Variants in LINGO2 observed in about 807,000 individuals in gnomAD.
LINGO2 encodes the protein leucine-rich repeat and immunoglobulin-like domain-containing nogo receptor-interacting protein 2.
LINGO2 carries 14 observed loss-of-function variants against 30.6 expected under a neutral mutation model. The ratio of observed to expected loss-of-function variants is 0.46; its 90% CI spans 0.30 to 0.72. LINGO2 has a LOEUF of 0.72. Among genes scored for constraint, LINGO2 ranks in the 30% least tolerant of loss-of-function variants. The pLI, the probability that LINGO2 is intolerant of heterozygous loss-of-function variation, is 0.07. For synonymous variants in LINGO2, 317 were observed against 288.5 expected, an observed-to-expected ratio of 1.10 and a Z score of -1.00; for missense variants, 729 against 751.7, an observed-to-expected ratio of 0.97 and a Z score of 0.35.
At chr9:29,063,914 T>G in the LINGO2 span, among the ~76,000 whole-genome samples, 1 of 152,158 alleles carries the variant, frequency 6.6e-6, no homozygotes, top group Admixed American at 6.6e-5. Flanking sequence ...CTAGGAAGAT[T>G]GGTGATAAGT....
At chr9:28,747,869 T>C in the LINGO2 span, among the ~76,000 whole-genome samples, 3 of 152,106 alleles carry the variant, frequency 2.0e-5, no homozygotes, top group East Asian at 5.8e-4. Context: ...AGCAATCTGA[T>C]GTGGGGCTTA....
intron 5 of LINGO2, among the ~76,000 whole-genome samples, chr9:27,963,599 G>A (rs1819950768): frequency 6.6e-6 from 1 of 151,926 alleles, no homozygotes; most frequent in Non-Finnish European, 1.5e-5. Flanking sequence ...AAATGAACAA[G>A]GGCACAAAAC....
At chr9:28,578,183 C>A (rs2135634128) in intron 1 of LINGO2, among the ~76,000 whole-genome samples, 1 of 152,202 alleles carries the variant, frequency 6.6e-6, no homozygotes, top group Non-Finnish European at 1.5e-5. Context: ...GTCTTGCTGC[C>A]AGGCTAAGGG....
chr9:28,414,011 CCT>C (rs1822874187), intron 2 of LINGO2, among the ~76,000 whole-genome samples: 1 of 135,888 alleles, frequency 7.4e-6, no homozygotes. Context: ...AATTGCCTCC[CCT>C]ATGACATATA....
At chr9:28,082,482 C>T (rs1221328540) in intron 4 of LINGO2, among the ~76,000 whole-genome samples, 2 of 151,770 alleles carry the variant, frequency 1.3e-5, no homozygotes, top group African/African-American at 4.8e-5. Context: ...TTCATTTTTA[C>T]AAAGCTGTGA....
chr9:28,152,131 T>C (rs1009769469), intron 4 of LINGO2, among the ~76,000 whole-genome samples: 1 of 152,176 alleles, frequency 6.6e-6, no homozygotes, highest in South Asian at 2.1e-4. Flanking sequence ...CATGTTGAAA[T>C]TTGATCCCCA....
intron 2 of LINGO2, among the ~76,000 whole-genome samples, chr9:28,430,770 AG>A (rs1823634856): frequency 2.0e-5 from 3 of 152,108 alleles, no homozygotes; most frequent in Admixed American, 6.5e-5. Flanking sequence ...TCTATATGCC[AG>A]GAGCTCAGGG....
At position 27,996,487 on chromosome 9, in the gene LINGO2, A is replaced by T. The variant is rs10968264; in HGVS notation, c.-36+15868T>A. ...AATCCTGTCATTTGCAGTAACATAG[A>T]TGGAACTGGAGGATATCATATGAAG... On this transcript the variant is annotated intron_variant, in intron 5 of 5. Coordinates refer to ENST00000379992, the Ensembl canonical transcript of LINGO2. Among the ~76,000 whole-genome samples the T allele has an allele frequency of 8.7e-3, 1,324 of 152,306 alleles. 105 individuals carry two copies. In the East Asian group the frequency reaches 0.18, roughly 20 times the overall value.
At chr9:28,004,637 C>T (rs1310130790) in intron 5 of LINGO2, among the ~76,000 whole-genome samples, 1 of 144,332 alleles carries the variant, frequency 6.9e-6, no homozygotes, top group Non-Finnish European at 1.5e-5. Flanking sequence ...GTTTTTTTTC[C>T]CCAGAGTTTG....
chr9:28,405,606 T>C (rs1279472357), intron 2 of LINGO2, among the ~76,000 whole-genome samples: 1 of 152,228 alleles, frequency 6.6e-6, no homozygotes, highest in Non-Finnish European at 1.5e-5. Context: ...CATATACATA[T>C]ACACATTCTA....
chr9:28,707,593 A>AG, the LINGO2 span, among the ~76,000 whole-genome samples: 11 of 152,246 alleles, frequency 7.2e-5, no homozygotes, highest in Admixed American at 5.9e-4. Flanking sequence ...TTTGTCTCAC[A>AG]CTATCTGTTT....
chr9:29,100,695 A>C, the LINGO2 span, among the ~76,000 whole-genome samples: 35,893 of 152,062 alleles, frequency 0.24, 4,365 homozygotes, highest in East Asian at 0.41. Context: ...TTAATTGTTC[A>C]TTTTAAAAAT....
At chr9:28,375,468 G>C (rs1257695251) in intron 2 of LINGO2, among the ~76,000 whole-genome samples, 11 of 152,180 alleles carry the variant, frequency 7.2e-5, no homozygotes, top group Non-Finnish European at 1.6e-4. Flanking sequence ...GTGTCTGAAA[G>C]GTGAATACAT....
At chr9:28,682,873 CT>C in the LINGO2 span, among the ~76,000 whole-genome samples, 55,638 of 151,686 alleles carry the variant, frequency 0.37, 11,507 homozygotes, top group African/African-American at 0.55. Flanking sequence ...ATGGCAGATA[CT>C]TTTTTTATTA....
At chr9:28,797,359 T>TAGAGAGAG in the LINGO2 span, among the ~76,000 whole-genome samples, 734 of 34,170 alleles carry the variant, frequency 0.021, 16 homozygotes, top group East Asian at 0.037. Flanking sequence ...TATATATATA[T>TAGAGAGAG]AGAGAGAGAG....
At chr9:29,163,573 T>C in the LINGO2 span, among the ~76,000 whole-genome samples, 1 of 152,136 alleles carries the variant, frequency 6.6e-6, no homozygotes, top group Non-Finnish European at 1.5e-5. Flanking sequence ...AAAAAAATGA[T>C]GGCATCAAAA....
chr9:28,742,221 T>C, the LINGO2 span, among the ~76,000 whole-genome samples: 1 of 151,242 alleles, frequency 6.6e-6, no homozygotes, highest in African/African-American at 2.4e-5. Context: ...TGCCTGGAGT[T>C]GGGAGAGGAA....
At chr9:28,216,380 G>A (rs1211833370) in intron 4 of LINGO2, among the ~76,000 whole-genome samples, 2 of 151,846 alleles carry the variant, frequency 1.3e-5, no homozygotes, top group East Asian at 3.9e-4. Context: ...ATTCTGGGAG[G>A]AGTGGTTGTT....
the LINGO2 span, among the ~76,000 whole-genome samples, chr9:29,136,467 C>T: frequency 6.6e-6 from 1 of 152,164 alleles, no homozygotes; most frequent in Non-Finnish European, 1.5e-5. Context: ...TCCAAGGTAA[C>T]ATTTTGTTTT....
Sources: allele counts gnomAD v4.1 joint callset (sites outside exome capture counted in the v4.1 genomes callset), GRCh38; gene constraint gnomAD v4.1.1; transcripts MANE v1.5; gene names NCBI Gene and HGNC (gene_info 2026-07-23, HGNC 2026-07-21).